The following PDE7B variants were observed in gnomAD, a reference collection of about 807,000 sequenced individuals.
PDE7B encodes the protein 3',5'-cyclic-AMP phosphodiesterase 7B.
Under a neutral mutation model 56.2 loss-of-function variants are expected in PDE7B, and 29 were observed. The ratio of observed to expected loss-of-function variants is 0.52; its 90% CI spans 0.38 to 0.70. PDE7B has a LOEUF of 0.70. Among genes scored for constraint, PDE7B ranks in the 30% least tolerant of loss-of-function variants. PDE7B has a pLI of 0.00. For synonymous variants in PDE7B, 197 were observed against 196.9 expected (o/e 1.00, Z 0.00); for missense variants, 490 against 565.0 (o/e 0.87, Z 1.35).
chr6:136,054,581 A>G (rs1022275442), intron 2 of PDE7B, among the ~76,000 whole-genome samples: 13 of 152,252 alleles, frequency 8.5e-5, no homozygotes, highest in African/African-American at 2.4e-4. Context: ...GTTTTTTCCA[A>G]TTCTGTGAAG....
intron 2 of PDE7B, among the ~76,000 whole-genome samples, chr6:135,985,265 G>A (rs1200877141): frequency 6.6e-6 from 1 of 152,158 alleles, no homozygotes; most frequent in Non-Finnish European, 1.5e-5. Context: ...TGACTGTCCT[G>A]TAGTGCCATC....
chr6:135,892,655 G>A (rs1460563287), intron 1 of PDE7B, among the ~76,000 whole-genome samples: 2 of 152,024 alleles, frequency 1.3e-5, no homozygotes, highest in African/African-American at 4.8e-5. Flanking sequence ...GCTGATAACT[G>A]GAAATAAGAA....
At chr6:135,961,313 G>A (rs1434697831) in intron 2 of PDE7B, among the ~76,000 whole-genome samples, 1 of 143,766 alleles carries the variant, frequency 7.0e-6, no homozygotes, top group Non-Finnish European at 1.5e-5. Context: ...GTGTGTGTGT[G>A]TAGTTCAGCT....
At chr6:135,923,140 C>T (rs935384846) in intron 1 of PDE7B, among the ~76,000 whole-genome samples, 3 of 152,164 alleles carry the variant, frequency 2.0e-5, no homozygotes, top group Non-Finnish European at 4.4e-5. Context: ...GCTGAAGTAG[C>T]CAACACGATC....
At chr6:136,111,578 T>A (rs984507609) in intron 3 of PDE7B, among the ~76,000 whole-genome samples, 3 of 152,200 alleles carry the variant, frequency 2.0e-5, no homozygotes, top group African/African-American at 7.2e-5. Context: ...AACATCTGTG[T>A]TATGCACAGT....
chr6:136,167,662 C>T (rs1220131214), intron 8 of PDE7B, among the ~76,000 whole-genome samples: 1 of 152,192 alleles, frequency 6.6e-6, no homozygotes. Context: ...TCTACCACCA[C>T]TAGTTTCTTG....
intron 2 of PDE7B, among the ~76,000 whole-genome samples, chr6:135,968,427 G>T (rs1413314027): frequency 6.6e-6 from 1 of 151,962 alleles, no homozygotes. Flanking sequence ...CTAACATCTA[G>T]AATCTACAAG....
chr6:136,038,261 A>G, intron 2 of PDE7B: 1 of 1,299,644 alleles, frequency 7.7e-7, no homozygotes, highest in Non-Finnish European at 1.0e-6. Flanking sequence ...CACCACCACC[A>G]CTACCTCCTC....
intron 2 of PDE7B, among the ~76,000 whole-genome samples, chr6:136,030,447 T>C (rs12212917): frequency 0.29 from 43,219 of 151,352 alleles, 7,498 homozygotes; most frequent in East Asian, 0.41. Context: ...TTGTGCTGTG[T>C]GTGCATGTGT....
chr6:136,119,212 A>G (rs955932084), intron 3 of PDE7B, among the ~76,000 whole-genome samples: 4 of 152,220 alleles, frequency 2.6e-5, no homozygotes, highest in African/African-American at 9.7e-5. Context: ...TTTATAACAT[A>G]TTAGATAAAA....
At chr6:135,871,361 G>A (rs1023527247) in intron 1 of PDE7B, among the ~76,000 whole-genome samples, 4 of 152,164 alleles carry the variant, frequency 2.6e-5, no homozygotes, top group South Asian at 2.1e-4. Flanking sequence ...CCACAAGGAC[G>A]TGAAATCAAA....
At chr6:136,166,306 C>T (rs1778792178) in intron 8 of PDE7B, 1 of 152,412 alleles carries the variant, frequency 6.6e-6, no homozygotes, top group Non-Finnish European at 1.5e-5. Context: ...ATCCACATCT[C>T]CATCACCTCT....
chr6:136,021,778 A>G (rs992318621), intron 2 of PDE7B, among the ~76,000 whole-genome samples: 4 of 151,938 alleles, frequency 2.6e-5, no homozygotes, highest in African/African-American at 4.8e-5. Flanking sequence ...TCTTGTTCCT[A>G]TGCAATTTCT....
intron 2 of PDE7B, among the ~76,000 whole-genome samples, chr6:136,080,118 T>C (rs553318755): frequency 6.6e-6 from 1 of 152,298 alleles, no homozygotes; most frequent in African/African-American, 2.4e-5. Flanking sequence ...GCTCTCAAGC[T>C]GAGCAAATAA....
intron 1 of PDE7B, among the ~76,000 whole-genome samples, chr6:135,877,752 C>CA (rs75061563): frequency 0.028 from 2,492 of 89,060 alleles, 32 homozygotes; most frequent in African/African-American, 0.041. Flanking sequence ...CAAAACAAAA[C>CA]AAAAAAAAAA....
chr6:135,948,880 TAGATAGATAGATAGATAGACAGACAGAC>T (rs1316978063), intron 2 of PDE7B, among the ~76,000 whole-genome samples: 10 of 146,430 alleles, frequency 6.8e-5, no homozygotes, highest in African/African-American at 2.4e-4. Flanking sequence ...GATAGATAGA[TAGATAGATAGATAGATAGACAGACAGAC>T]AGACAGACAG....
At chr6:135,903,261 G>A (rs557117354) in intron 1 of PDE7B, among the ~76,000 whole-genome samples, 1 of 152,276 alleles carries the variant, frequency 6.6e-6, no homozygotes, top group East Asian at 1.9e-4. Context: ...TATAAGCAAA[G>A]GTTGTATCAG....
intron 8 of PDE7B, among the ~76,000 whole-genome samples, chr6:136,156,922 T>C (rs2128448004): frequency 6.6e-6 from 1 of 152,308 alleles, no homozygotes; most frequent in African/African-American, 2.4e-5. Context: ...TTTAAAAAGT[T>C]CAGTTCAACA....
chr6:136,147,165 A>AC (rs1265101658), intron 3 of PDE7B, among the ~76,000 whole-genome samples, 186 bp from the exon 4 acceptor site: 1 of 151,540 alleles, frequency 6.6e-6, no homozygotes, highest in East Asian at 1.9e-4. Context: ...GTAAAAATTA[A>AC]AAAAAAAACA....
Sources: gnomAD v4.1 joint callset for allele counts (sites outside exome capture counted in the v4.1 genomes callset) on GRCh38, gnomAD v4.1.1 for gene constraint, MANE v1.5 for transcripts, NCBI Gene and HGNC (gene_info 2026-07-23, HGNC 2026-07-21) for gene names.